ANKS1A: variants seen among roughly 807,000 people sequenced by gnomAD.
ANKS1A encodes the protein ankyrin repeat and SAM domain-containing protein 1A.
In ANKS1A, 55 loss-of-function variants were observed where a neutral mutation model predicts 120.3. The observed-to-expected ratio is 0.46, with a 90% CI of 0.37 to 0.57. ANKS1A has a LOEUF of 0.57. Among genes scored for constraint, ANKS1A ranks in the 20% least tolerant of loss-of-function variants. ANKS1A has a pLI of 0.00. For missense variants in ANKS1A, 1,123 were observed against 1,480.3 expected, an observed-to-expected ratio of 0.76 and a Z score of 3.96; for synonymous variants, 590 against 604.7, an observed-to-expected ratio of 0.98 and a Z score of 0.36.
In ANKS1A at chr6:35,078,632, C is replaced by T. The variant is rs926962967; in HGVS notation, c.2259C>T (p.Leu753=). 1 of 1,603,788 alleles carries T rather than the reference C, an allele frequency of 6.2e-7. No individual in the cohort carries two copies. The change falls in exon 14 of 24, where the codon CTC becomes CTT. Residue 753 remains leucine, a synonymous_variant. Coordinates refer to ENST00000360359, the MANE Select transcript of ANKS1A (RefSeq NM_015245.3). ...ACCCACAGCACCGGCGGAAGCTGCT[C>T]CAGGCGGCACGCTCCCTACCCAAGG... ...ISDPQHRRKL[L]QAARSLPKVK... is the part of the protein sequence containing the mutation.
intron 1 of ANKS1A, among the ~76,000 whole-genome samples, chr6:34,906,091 C>T (rs1310460172): frequency 5.3e-5 from 8 of 152,074 alleles, no homozygotes; most frequent in African/African-American, 1.4e-4. Context: ...ACCATCTAGC[C>T]GTATGATCTT....
chr6:34,975,313 A>T (rs936543660), intron 3 of ANKS1A, among the ~76,000 whole-genome samples: 1 of 151,912 alleles, frequency 6.6e-6, no homozygotes, highest in Admixed American at 6.6e-5. Context: ...AATTAGCTGG[A>T]TGTGGTGGCA....
intron 1 of ANKS1A, 52 bp from the exon 2 acceptor site, chr6:34,967,187 G>A (rs367910044): frequency 3.8e-6 from 6 of 1,585,300 alleles, no homozygotes; most frequent in Non-Finnish European, 4.3e-6. Flanking sequence ...ACTTTGGTTT[G>A]TGACTTCGGT....
the ANKS1A span, among the ~76,000 whole-genome samples, chr6:35,096,651 G>C: frequency 6.6e-6 from 1 of 152,136 alleles, no homozygotes; most frequent in Admixed American, 6.6e-5. Context: ...AAAGCCATGA[G>C]GGCAGTTGCC....
At chr6:34,950,623 A>G (rs991105766) in intron 1 of ANKS1A, among the ~76,000 whole-genome samples, 2 of 152,170 alleles carry the variant, frequency 1.3e-5, no homozygotes, top group Non-Finnish European at 2.9e-5. Flanking sequence ...ATAGCCAAGG[A>G]GCAAGGTGAA....
Position 35,088,691 on chromosome 6 carries a change from C to T in ANKS1A, c.*82C>T. On this transcript the variant is annotated 3_prime_UTR_variant, in exon 24 of 24. Transcript: ENST00000360359. Reference sequence around the variant, plus strand: ...ACTGCCACCACCGCCATCGCCTCACCTGCAGCTCTGAAGACCCAGGCCTCA... The same window carrying T: ...ACTGCCACCACCGCCATCGCCTCACTTGCAGCTCTGAAGACCCAGGCCTCA... The T allele has an allele frequency of 6.2e-7, 1 of 1,613,120 alleles. No homozygotes were observed. Among genetic ancestry groups the T allele is most frequent in the Non-Finnish European group, 8.5e-7 (1 of 1,179,402 alleles).
chr6:34,991,854 G>GA (rs67757787), intron 9 of ANKS1A, among the ~76,000 whole-genome samples: 2 of 139,002 alleles, frequency 1.4e-5, no homozygotes, highest in African/African-American at 5.4e-5. Context: ...TGGAGGAAAG[G>GA]AAAAAAAAAA....
chr6:35,026,075 G>T (rs1774611531), intron 11 of ANKS1A, among the ~76,000 whole-genome samples: 1 of 152,168 alleles, frequency 6.6e-6, no homozygotes, highest in Non-Finnish European at 1.5e-5. Flanking sequence ...TAGATGAGAG[G>T]AATTTGACCT....
intron 11 of ANKS1A, among the ~76,000 whole-genome samples, chr6:35,021,245 C>T (rs1375102238): frequency 6.6e-6 from 1 of 152,044 alleles, no homozygotes; most frequent in African/African-American, 2.4e-5. Context: ...TCTTTGTTGT[C>T]CTTGGACCCC....
At chr6:34,917,125 T>C (rs1426603757) in intron 1 of ANKS1A, among the ~76,000 whole-genome samples, 1 of 152,136 alleles carries the variant, frequency 6.6e-6, no homozygotes, top group African/African-American at 2.4e-5. Flanking sequence ...ACTAATCCTA[T>C]CCCAGCATCC....
At chr6:35,006,273 C>T (rs958607051) in intron 10 of ANKS1A, among the ~76,000 whole-genome samples, 6 of 149,610 alleles carry the variant, frequency 4.0e-5, no homozygotes, top group African/African-American at 1.2e-4. Context: ...GGCTGAGAAT[C>T]GCTTGAACCC....
intron 13 of ANKS1A, among the ~76,000 whole-genome samples, chr6:35,068,477 A>G (rs569766718): frequency 2.0e-5 from 3 of 152,220 alleles, no homozygotes; most frequent in African/African-American, 7.2e-5. Flanking sequence ...CCAAAACTCA[A>G]TCCAGCAAGG....
intron 13 of ANKS1A, among the ~76,000 whole-genome samples, chr6:35,075,979 CA>C (rs1338250246): frequency 1.3e-5 from 2 of 152,166 alleles, no homozygotes; most frequent in Non-Finnish European, 1.5e-5. Context: ...AAGCTGGCCT[CA>C]AACTCCTGGG....
At chr6:34,913,191 AC>A (rs1767987022) in intron 1 of ANKS1A, among the ~76,000 whole-genome samples, 1 of 152,218 alleles carries the variant, frequency 6.6e-6, no homozygotes, top group Admixed American at 6.5e-5. Flanking sequence ...TTGTTCATGT[AC>A]CCCCCAATAT....
At chr6:35,065,882 G>C (rs572411704) in intron 13 of ANKS1A, among the ~76,000 whole-genome samples, 1 of 152,348 alleles carries the variant, frequency 6.6e-6, no homozygotes, top group African/African-American at 2.4e-5. Context: ...GGCCTGTGCA[G>C]CCACCACCAC....
chr6:34,928,673 A>G (rs536014508), intron 1 of ANKS1A, among the ~76,000 whole-genome samples: 5 of 152,138 alleles, frequency 3.3e-5, no homozygotes, highest in Non-Finnish European at 5.9e-5. Flanking sequence ...AAATTGAGGC[A>G]CAGCACAGTT....
intron 1 of ANKS1A, among the ~76,000 whole-genome samples, chr6:34,921,589 A>G (rs1561848829): frequency 2.6e-5 from 4 of 152,156 alleles, no homozygotes; most frequent in East Asian, 3.8e-4. Context: ...TTCTAGTGCA[A>G]TGGGCCTGGT....
At chr6:34,992,420 A>C (rs1238606195) in intron 9 of ANKS1A, among the ~76,000 whole-genome samples, 2 of 152,222 alleles carry the variant, frequency 1.3e-5, no homozygotes, top group African/African-American at 2.4e-5. Flanking sequence ...GCATGAGAAG[A>C]AAGGATATTA....
downstream of ANKS1A, among the ~76,000 whole-genome samples, chr6:35,092,846 CTCAGGCTCCTAGACAGCTGGGTTG>C (rs1778348577): frequency 2.0e-5 from 3 of 152,186 alleles, no homozygotes; most frequent in African/African-American, 7.2e-5. Context: ...TTCACAGATG[CTCAGGCTCCTAGACAGCTGGGTTG>C]TTACTACTGA....
Sources: gnomAD v4.1 joint callset for allele counts (sites outside exome capture counted in the v4.1 genomes callset) on GRCh38, gnomAD v4.1.1 for gene constraint, MANE v1.5 for transcripts, NCBI Gene and HGNC (gene_info 2026-07-23, HGNC 2026-07-21) for gene names.